The following BCL2 variants were observed in gnomAD, a reference collection of about 807,000 sequenced individuals.
BCL2 encodes BCL2 apoptosis regulator.
A neutral mutation model predicts 14.2 loss-of-function variants in BCL2; 1 was observed. That is an observed-to-expected ratio of 0.07 (90% CI 0.02 to 0.33). The LOEUF is 0.33. BCL2 is among the 10% of genes least tolerant of loss of function. The probability of loss-of-function intolerance (pLI) is 0.99; values close to 1 mark genes in which losing one functional copy is unlikely to be tolerated. For missense variants in BCL2, 247 were observed against 305.9 expected, an observed-to-expected ratio of 0.81 and a Z score of 1.44; for synonymous variants, 151 against 137.2, an observed-to-expected ratio of 1.10 and a Z score of -0.70.
chr18:63,274,277 C>CTTTTTTTTTTTTTTT (rs74169950), intron 2 of BCL2, among the ~76,000 whole-genome samples: 2 of 86,754 alleles, frequency 2.3e-5, no homozygotes, highest in African/African-American at 8.7e-5. Flanking sequence ...TAAAGATACT[C>CTTTTTTTTTTTTTTT]TTTTTTTTTT....
intron 2 of BCL2, among the ~76,000 whole-genome samples, chr18:63,227,436 C>G (rs1910578503): frequency 6.6e-6 from 1 of 152,190 alleles, no homozygotes; most frequent in Non-Finnish European, 1.5e-5. Context: ...CTCAAAACTC[C>G]TGGACTCAAG....
intron 2 of BCL2, among the ~76,000 whole-genome samples, chr18:63,278,372 C>A (rs757688608): frequency 6.6e-6 from 1 of 152,212 alleles, no homozygotes; most frequent in Non-Finnish European, 1.5e-5. Flanking sequence ...CTCCCCGGAG[C>A]CTTCTCTTCC....
chr18:63,243,371 G>A (rs1911066745), intron 2 of BCL2, among the ~76,000 whole-genome samples: 1 of 152,110 alleles, frequency 6.6e-6, no homozygotes, highest in Non-Finnish European at 1.5e-5. Flanking sequence ...AGAGGATGAA[G>A]GGTGGGAGGA....
chr18:63,214,345 G>A (rs796184828), intron 2 of BCL2, among the ~76,000 whole-genome samples: 5 of 152,218 alleles, frequency 3.3e-5, no homozygotes, highest in African/African-American at 1.2e-4. Context: ...GGTGCAGCTC[G>A]GAAGATGGCC....
In BCL2 at chr18:63,286,155, G is replaced by A. The variant is rs527268666; in HGVS notation, c.585+31927C>T. ...CTGGAAGAGTAAAACCTGCCCCATAGCTGGCATGCTACTTGTACATTAAAA... is the reference window on the plus strand; with the variant it reads ...CTGGAAGAGTAAAACCTGCCCCATAACTGGCATGCTACTTGTACATTAAAA... On this transcript the variant is annotated intron_variant, in intron 2 of 2. Transcript: ENST00000333681. Among the ~76,000 whole-genome samples, 3 of 152,340 alleles carry A rather than the reference G, an allele frequency of 2.0e-5. No individual in the cohort carries two copies. In the East Asian group the frequency reaches 5.8e-4, roughly 29 times the overall value.
At chr18:63,218,762 C>G (rs77464365) in intron 2 of BCL2, among the ~76,000 whole-genome samples, 5 of 932 alleles carry the variant, frequency 5.4e-3, no homozygotes, top group East Asian at 0.017. Flanking sequence ...ACTCATCCCC[C>G]TCTACTCATC....
At chr18:63,156,362 C>T (rs1359278017) in intron 2 of BCL2, among the ~76,000 whole-genome samples, 2 of 152,166 alleles carry the variant, frequency 1.3e-5, no homozygotes, top group Non-Finnish European at 2.9e-5. Context: ...GTGGGGAGGA[C>T]GGGCTGCCCT....
chr18:63,181,010 G>C (rs1193635840), intron 2 of BCL2, among the ~76,000 whole-genome samples: 1 of 152,190 alleles, frequency 6.6e-6, no homozygotes, highest in Non-Finnish European at 1.5e-5. Context: ...TATTAATGTG[G>C]AGAAGATGCT....
chr18:63,196,475 G>A (rs769014168), intron 2 of BCL2, among the ~76,000 whole-genome samples: 3 of 152,060 alleles, frequency 2.0e-5, no homozygotes, highest in Non-Finnish European at 2.9e-5. Flanking sequence ...CCTTCTTCTC[G>A]ATGGAAAGAA....
chr18:63,297,549 C>G (rs551960798), intron 2 of BCL2, among the ~76,000 whole-genome samples: 1 of 152,302 alleles, frequency 6.6e-6, no homozygotes, highest in South Asian at 2.1e-4. Context: ...TGGCACAGAG[C>G]AGCCTTTTCT....
At chr18:63,247,390 G>A (rs906552271) in intron 2 of BCL2, among the ~76,000 whole-genome samples, 2 of 150,962 alleles carry the variant, frequency 1.3e-5, no homozygotes, top group African/African-American at 4.9e-5. Flanking sequence ...TAGAGATGGG[G>A]TTTTGCCATG....
intron 2 of BCL2, among the ~76,000 whole-genome samples, chr18:63,148,045 G>T (rs771660460): frequency 1.2e-4 from 18 of 152,052 alleles, no homozygotes; most frequent in Non-Finnish European, 2.5e-4. Context: ...TCATTTTTGG[G>T]TTATCAGACT....
intron 2 of BCL2, among the ~76,000 whole-genome samples, chr18:63,286,031 T>C (rs975585793): frequency 6.6e-6 from 1 of 152,210 alleles, no homozygotes; most frequent in Non-Finnish European, 1.5e-5. Context: ...CTGAACTATG[T>C]CCTGCTCTTA....
At chr18:63,228,894 G>C (rs967923876) in intron 2 of BCL2, among the ~76,000 whole-genome samples, 4 of 152,198 alleles carry the variant, frequency 2.6e-5, no homozygotes, top group Non-Finnish European at 5.9e-5. Context: ...ATTTTTAGTG[G>C]AGATAAGGTT....
chr18:63,159,295 A>G (rs1162472217), intron 2 of BCL2, among the ~76,000 whole-genome samples: 1 of 152,248 alleles, frequency 6.6e-6, no homozygotes, highest in Non-Finnish European at 1.5e-5. Context: ...AAAGGGGGAA[A>G]AAGAGAGAAA....
intron 2 of BCL2, among the ~76,000 whole-genome samples, chr18:63,197,104 C>T (rs1226350180): frequency 1.3e-5 from 2 of 152,128 alleles, no homozygotes; most frequent in African/African-American, 2.4e-5. Flanking sequence ...AATGTTTTCC[C>T]GAAATAGGTA....
At chr18:63,180,486 G>A (rs1023922646) in intron 2 of BCL2, among the ~76,000 whole-genome samples, 7 of 152,272 alleles carry the variant, frequency 4.6e-5, no homozygotes, top group Non-Finnish European at 8.8e-5. Flanking sequence ...GGAGAGAGAA[G>A]GTGGAGGCAG....
At chr18:63,302,919 G>A (rs1913009722) in intron 2 of BCL2, 1 of 973,798 alleles carries the variant, frequency 1.0e-6, no homozygotes, top group South Asian at 4.8e-5. Context: ...TGAGGGGGAT[G>A]GAAATAACTC....
intron 2 of BCL2, among the ~76,000 whole-genome samples, chr18:63,276,161 G>T (rs1361527827): frequency 6.6e-6 from 1 of 152,204 alleles, no homozygotes; most frequent in Non-Finnish European, 1.5e-5. Context: ...ACAGAGGTCA[G>T]CCTGGTACCT....
Sources: allele counts gnomAD v4.1 joint callset (sites outside exome capture counted in the v4.1 genomes callset), GRCh38; gene constraint gnomAD v4.1.1; transcripts MANE v1.5; gene names NCBI Gene and HGNC (gene_info 2026-07-23, HGNC 2026-07-21).